The following DGKB variants were observed in gnomAD, a reference collection of about 807,000 sequenced individuals.
DGKB encodes the protein 90 kDa diacylglycerol kinase.
DGKB carries 67 observed loss-of-function variants against 114.3 expected under a neutral mutation model. The observed-to-expected ratio is 0.59, with a 90% CI of 0.48 to 0.72. The LOEUF (loss-of-function observed/expected upper bound fraction) is 0.72, where lower values mean the gene tolerates loss of function less well. DGKB is among the 30% of genes least tolerant of loss of function. The pLI, the probability that DGKB is intolerant of heterozygous loss-of-function variation, is 0.00. For synonymous variants in DGKB, 398 were observed against 323.1 expected, an observed-to-expected ratio of 1.23 and a Z score of -2.49; for missense variants, 907 against 975.2, an observed-to-expected ratio of 0.93 and a Z score of 0.93.
intron 23 of DGKB, among the ~76,000 whole-genome samples, chr7:14,256,334 T>C (rs771653125): frequency 6.6e-6 from 1 of 152,060 alleles, no homozygotes; most frequent in South Asian, 2.1e-4. Flanking sequence ...TATAGTCATA[T>C]TGATTTCTCA....
intron 20 of DGKB, among the ~76,000 whole-genome samples, chr7:14,519,459 T>G (rs1390209769): frequency 6.6e-6 from 1 of 152,118 alleles, no homozygotes; most frequent in African/African-American, 2.4e-5. Flanking sequence ...ATTTTACAGG[T>G]AAACTGCATT....
chr7:14,734,211 T>C (rs1304692999), intron 5 of DGKB, among the ~76,000 whole-genome samples: 1 of 151,960 alleles, frequency 6.6e-6, no homozygotes. Flanking sequence ...ATTTTTTTTT[T>C]TGTATTTTTA....
intron 20 of DGKB, among the ~76,000 whole-genome samples, chr7:14,504,941 C>T (rs947319410): frequency 6.6e-6 from 1 of 152,112 alleles, no homozygotes; most frequent in African/African-American, 2.4e-5. Context: ...CTTGAACATG[C>T]TAACACTTTT....
chr7:14,852,851 C>G lies in DGKB; in HGVS notation c.-187-11401G>C, dbSNP rs143490102. 1.2e-3 allele frequency among the ~76,000 whole-genome samples: 180 copies of G among 152,148 alleles called. 1 individual carries two copies. The highest frequency in any genetic ancestry group is 4.1e-3 in the African/African-American group (169 of 41,518). On this transcript the variant is annotated intron_variant, in intron 1 of 25. Transcript: ENST00000402815. ...ATTTTCCATCCCCAGCTTAAGAAAACAGAAACTTACCAAAAATAATTTTCC... is the reference window on the plus strand; with the variant it reads ...ATTTTCCATCCCCAGCTTAAGAAAAGAGAAACTTACCAAAAATAATTTTCC...
chr7:14,804,399 T>G (rs1416751042), intron 2 of DGKB, among the ~76,000 whole-genome samples: 3 of 152,066 alleles, frequency 2.0e-5, no homozygotes, highest in Non-Finnish European at 4.4e-5. Flanking sequence ...TTTTCTATGC[T>G]TATATTTTTA....
At chr7:14,467,174 A>G (rs1265536683) in intron 21 of DGKB, among the ~76,000 whole-genome samples, 1 of 149,500 alleles carries the variant, frequency 6.7e-6, no homozygotes, top group South Asian at 2.1e-4. Flanking sequence ...AAATATATTT[A>G]TTTATATAAT....
At chr7:14,555,082 A>T (rs534451903) in intron 20 of DGKB, among the ~76,000 whole-genome samples, 96 of 152,238 alleles carry the variant, frequency 6.3e-4, no homozygotes, top group African/African-American at 2.2e-3. Flanking sequence ...ATATAAGTGT[A>T]TTGCTTCCAT....
chr7:14,946,204 C>A (rs1166036498), intron 1 of DGKB, among the ~76,000 whole-genome samples: 1 of 151,234 alleles, frequency 6.6e-6, no homozygotes, highest in African/African-American at 2.4e-5. Flanking sequence ...TAGTTTTATT[C>A]CATATAGGTT....
chr7:14,644,896 G>A lies in DGKB; in HGVS notation c.1135-14628C>T, dbSNP rs528839278. ...AAATTAAAAAGGTCCTATCGATGGC[G>A]ACAGGGGACAGACAAATTCCTAGGC... On this transcript the variant is annotated intron_variant, in intron 13 of 25. Transcript: ENST00000402815. Among the ~76,000 whole-genome samples the A allele has an allele frequency of 4.6e-5, 7 of 152,226 alleles. No homozygotes were observed. The South Asian group carries it at 1.0e-3, about 23-fold the overall frequency.
chr7:14,362,575 T>A (rs1583415794), intron 21 of DGKB, among the ~76,000 whole-genome samples: 1 of 152,126 alleles, frequency 6.6e-6, no homozygotes, highest in Middle Eastern at 3.4e-3. Flanking sequence ...GAGATTAGAT[T>A]GCTTATATAA....
At chr7:14,656,912 T>C (rs551999377) in intron 13 of DGKB, among the ~76,000 whole-genome samples, 2 of 151,780 alleles carry the variant, frequency 1.3e-5, no homozygotes, top group East Asian at 1.9e-4. Context: ...CTAGACCCTG[T>C]TTATAATTAT....
At chr7:14,411,461 G>C (rs1824866631) in intron 21 of DGKB, among the ~76,000 whole-genome samples, 1 of 152,124 alleles carries the variant, frequency 6.6e-6, no homozygotes, top group African/African-American at 2.4e-5. Context: ...AAAATCTCTG[G>C]AGAATGTCTG....
At chr7:14,278,055 A>G (rs1306110177) in intron 23 of DGKB, among the ~76,000 whole-genome samples, 1 of 152,174 alleles carries the variant, frequency 6.6e-6, no homozygotes, top group Non-Finnish European at 1.5e-5. Flanking sequence ...TTTGTTGGTC[A>G]TTTGTATGTC....
At chr7:14,353,431 C>T (rs970062971) in intron 21 of DGKB, among the ~76,000 whole-genome samples, 1 of 152,074 alleles carries the variant, frequency 6.6e-6, no homozygotes, top group African/African-American at 2.4e-5. Flanking sequence ...CCCCTCTTTT[C>T]CTATTTTTGC....
chr7:14,851,832 G>T (rs958872037), intron 1 of DGKB, among the ~76,000 whole-genome samples: 42 of 152,162 alleles, frequency 2.8e-4, no homozygotes, highest in African/African-American at 9.2e-4. Flanking sequence ...AAACAGCCCA[G>T]ATGAAGTCAC....
chr7:14,315,830 AT>A (rs1261628912), intron 23 of DGKB, among the ~76,000 whole-genome samples: 2 of 150,762 alleles, frequency 1.3e-5, no homozygotes, highest in African/African-American at 4.9e-5. Flanking sequence ...CAGAATATAC[AT>A]TTTTTTCAGC....
intron 13 of DGKB, among the ~76,000 whole-genome samples, chr7:14,663,123 T>C (rs1817450184): frequency 6.6e-6 from 1 of 151,998 alleles, no homozygotes; most frequent in African/African-American, 2.4e-5. Flanking sequence ...AGGATTAAAA[T>C]ACAAATGGTA....
intron 25 of DGKB, among the ~76,000 whole-genome samples, chr7:14,157,474 C>G (rs888393116): frequency 1.3e-5 from 2 of 150,668 alleles, no homozygotes; most frequent in African/African-American, 4.9e-5. Context: ...TCAGAGAAAT[C>G]ATTGTGAAGA....
chr7:14,353,875 A>C (rs1249799697), intron 21 of DGKB, among the ~76,000 whole-genome samples: 1 of 152,188 alleles, frequency 6.6e-6, no homozygotes, highest in African/African-American at 2.4e-5. Context: ...TGCTTTCCTC[A>C]TCTGACTTGC....
Sources: allele counts gnomAD v4.1 joint callset (sites outside exome capture counted in the v4.1 genomes callset), GRCh38; gene constraint gnomAD v4.1.1; transcripts MANE v1.5; gene names NCBI Gene and HGNC (gene_info 2026-07-23, HGNC 2026-07-21).